The following NUP210 variants were observed in gnomAD, a reference collection of about 807,000 sequenced individuals.
NUP210 encodes nuclear pore membrane glycoprotein 210.
Under a neutral mutation model 196.0 loss-of-function variants are expected in NUP210, and 151 were observed. The observed-to-expected ratio is 0.77, with a 90% CI of 0.67 to 0.88. The LOEUF is 0.88. Among genes scored for constraint, NUP210 ranks in the 40% least tolerant of loss-of-function variants. NUP210 has a pLI of 0.00. For missense variants in NUP210, 2,314 were observed against 2,493.7 expected (o/e 0.93, Z 1.53); for synonymous variants, 1,070 against 1,052.7 (o/e 1.02, Z -0.32).
chr3:13,405,511 G>GAT lies in NUP210; in HGVS notation c.168-5652_168-5651dup, dbSNP rs146981659. Among the ~76,000 whole-genome samples, 449 of 151,288 alleles carry GAT rather than the reference G, an allele frequency of 3.0e-3. 1 individual carries two copies. Among genetic ancestry groups the GAT allele is most frequent in the Non-Finnish European group, 4.9e-3 (332 of 67,750 alleles). On this transcript the variant is annotated intron_variant, in intron 1 of 39. Coordinates refer to ENST00000254508, the MANE Select transcript of NUP210 (RefSeq NM_024923.4). Reference sequence around the variant, plus strand: ...TACATATGAGGGGGTGTGTGTATAAGATATATATATATAGGCTATATATAT... The same window carrying GAT: ...TACATATGAGGGGGTGTGTGTATAAGATATATATATATATAGGCTATATATAT...
rs1448037226 is a variant in NUP210 at position 13,317,341 on chromosome 3, GTCTT to G, written c.*336_*339del. ...TAAAGAGCACTTCTAACTGCTCAAA[GTCTT>G]GAGAAGGGAAAGATTTTAGCAAGGC... On this transcript the variant is annotated 3_prime_UTR_variant, in exon 40 of 40. Transcript: ENST00000254508. The G allele has an allele frequency of 3.0e-6, 1 of 329,786 alleles. No individual in the cohort carries two copies. Among genetic ancestry groups the G allele is most frequent in the East Asian group, 8.9e-5 (1 of 11,240 alleles). The allele number at this position is 329,786 out of a possible 1,614,324, so 20.4% of individuals were successfully genotyped here.
intron 31 of NUP210, 47 bp from the exon 32 acceptor site, chr3:13,327,484 T>C (rs1228037293): frequency 7.3e-7 from 1 of 1,377,758 alleles, no homozygotes; most frequent in Non-Finnish European, 1.0e-6. Flanking sequence ...GGAAAGAAGC[T>C]TCCAACTCCC....
At chr3:13,342,235 G>A in intron 21 of NUP210, 112 bp from the exon 22 acceptor site, 1 of 1,342,378 alleles carries the variant, frequency 7.4e-7, no homozygotes, top group Non-Finnish European at 1.0e-6. Context: ...CACAGACCTG[G>A]GAATCAGGAG....
chr3:13,369,117 C>T (rs1003363518), intron 13 of NUP210, among the ~76,000 whole-genome samples: 11 of 152,154 alleles, frequency 7.2e-5, no homozygotes, highest in African/African-American at 2.7e-4. Flanking sequence ...TTGTTTTGAT[C>T]GCAGCCATCC....
At chr3:13,321,978 G>A (rs1405488242) in intron 35 of NUP210, 143 bp from the exon 36 acceptor site, 4 of 1,281,178 alleles carry the variant, frequency 3.1e-6, no homozygotes, top group Non-Finnish European at 4.3e-6. Context: ...GAGTCCTCCT[G>A]GGAATCCCCT....
At chr3:13,336,032 G>A (rs1018586278) in intron 27 of NUP210, among the ~76,000 whole-genome samples, 2 of 152,246 alleles carry the variant, frequency 1.3e-5, no homozygotes, top group Non-Finnish European at 2.9e-5. Flanking sequence ...TTCCATGGGA[G>A]CAATCTGGGG....
intron 14 of NUP210, among the ~76,000 whole-genome samples, chr3:13,361,789 G>A (rs1041582078): frequency 3.3e-5 from 5 of 152,150 alleles, no homozygotes; most frequent in Non-Finnish European, 7.3e-5. Context: ...TGGAATACAG[G>A]CTCAGCTTCT....
At chr3:13,391,343 A>G (rs772190502) in intron 3 of NUP210, 36 bp from the exon 4 acceptor site, 14 of 1,435,186 alleles carry the variant, frequency 9.8e-6, no homozygotes, top group Non-Finnish European at 1.4e-5. Context: ...ACAGATATGG[A>G]GTTAATTTCC....
chr3:13,397,284 A>G, intron 3 of NUP210, 73 bp downstream of exon 3: 11 of 1,532,094 alleles, frequency 7.2e-6, no homozygotes, highest in Non-Finnish European at 9.7e-6. Flanking sequence ...GGGAATGCAG[A>G]GAGGCCAGAG....
At chr3:13,406,413 A>G (rs1179878871) in intron 1 of NUP210, among the ~76,000 whole-genome samples, 1 of 152,180 alleles carries the variant, frequency 6.6e-6, no homozygotes, top group Non-Finnish European at 1.5e-5. Context: ...CAGCTAACAC[A>G]GTCCCTGACC....
chr3:13,420,044 C>A lies in NUP210; in HGVS notation c.167+16G>T. Reference sequence around the variant, plus strand: ...CCCGGCCCACGGCGCCCGCCCGGCCCGGCCGCGCGCCTCACCAGCGGTAGC... The same window carrying A: ...CCCGGCCCACGGCGCCCGCCCGGCCAGGCCGCGCGCCTCACCAGCGGTAGC... On this transcript the variant is annotated intron_variant, in intron 1 of 39. Transcript: ENST00000254508. This position sits in a 1 kb window ranked among gnomAD's most constrained non-coding sequence, Gnocchi z 4.8. 1.6e-6 allele frequency: 2 copies of A among 1,246,680 alleles called. No individual in the cohort carries two copies. The highest frequency in any genetic ancestry group is 2.0e-5 in the South Asian group (1 of 50,372). 77.2% of individuals were successfully genotyped at this position (1,246,680 alleles called of 1,614,324 possible).
chr3:13,380,196 C>T (rs1284553256), intron 6 of NUP210, among the ~76,000 whole-genome samples: 1 of 152,168 alleles, frequency 6.6e-6, no homozygotes, highest in Non-Finnish European at 1.5e-5. Context: ...TGTTCCCCTG[C>T]CCTTCACACC....
chr3:13,324,559 C>T (rs1696669078), intron 33 of NUP210, among the ~76,000 whole-genome samples: 2 of 152,194 alleles, frequency 1.3e-5, no homozygotes, highest in Non-Finnish European at 2.9e-5. Context: ...TCCTCCCCTC[C>T]AGCCTCACTT....
At chr3:13,321,553 G>T (rs761022094) in intron 36 of NUP210, 32 bp downstream of exon 36, 1 of 1,599,662 alleles carries the variant, frequency 6.3e-7, no homozygotes, top group Admixed American at 1.7e-5. Flanking sequence ...CCCTGACTCC[G>T]GCCTGGCCTG....
At chr3:13,384,547 C>A (rs1177895346) in intron 6 of NUP210, among the ~76,000 whole-genome samples, 1 of 152,136 alleles carries the variant, frequency 6.6e-6, no homozygotes, top group African/African-American at 2.4e-5. Flanking sequence ...TCAGACTGGT[C>A]AACATAGCAA....
chr3:13,420,072 C>T lies in NUP210; in HGVS notation c.155G>A (p.Gly52Asp). The T allele has an allele frequency of 7.4e-7, 1 of 1,352,710 alleles. No homozygotes were observed. 83.8% of individuals were successfully genotyped at this position (1,352,710 alleles called of 1,614,324 possible). ...CCGCGCGCCTCACCAGCGGTAGCAG[C>T]CCTCCGAGGCCTCCAGCGTGAAGTT... ...RVNFTLEASE[G>D]CYRWLSTRPE... is the part of the protein sequence containing the mutation. The change falls in exon 1 of 40, where the codon GGC becomes GAC. Residue 52 changes from glycine to aspartate, a missense_variant. Coordinates refer to ENST00000254508, the MANE Select transcript of NUP210 (RefSeq NM_024923.4). The surrounding 1 kb of genome is among the most constrained non-coding windows in gnomAD (Gnocchi z 4.8).
chr3:13,358,163 T>G (rs1382682799), intron 16 of NUP210, 59 bp downstream of exon 16: 2 of 1,499,986 alleles, frequency 1.3e-6, no homozygotes, highest in African/African-American at 2.8e-5. Context: ...AGGCCACCAA[T>G]GTCCTCCTGC....
In NUP210 at chr3:13,319,982, G is replaced by A. The variant is rs371092519; in HGVS notation, c.5167-3C>T. The A allele has an allele frequency of 1.5e-5, 25 of 1,613,094 alleles. No individual in the cohort carries two copies. Among genetic ancestry groups the A allele is most frequent in the African/African-American group, 1.1e-4 (8 of 74,946 alleles). ...ACGGCCGGGGACCCGGATTTCACCT[G>A]GAAGAGACATCAGAGCTGGGGGTGC... On this transcript the variant is annotated splice_region_variant and splice_polypyrimidine_tract_variant and intron_variant, in intron 36 of 39. Transcript: ENST00000254508.
At chr3:13,374,181 CCA>C (rs1304582161) in intron 11 of NUP210, among the ~76,000 whole-genome samples, 1 of 152,108 alleles carries the variant, frequency 6.6e-6, no homozygotes, top group Non-Finnish European at 1.5e-5. Context: ...CCACTCACAC[CCA>C]CAGTGCACAC....
Sources: gnomAD v4.1 joint callset for allele counts (sites outside exome capture counted in the v4.1 genomes callset) on GRCh38, gnomAD v4.1.1 for gene constraint, Gnocchi (gnomAD v3.1) non-coding constraint, MANE v1.5 for transcripts, NCBI Gene and HGNC (gene_info 2026-07-23, HGNC 2026-07-21) for gene names.